The following SLC15A3 variants were observed in gnomAD, a reference collection of about 807,000 sequenced individuals.
SLC15A3 encodes the protein osteoclast transporter.
Under a neutral mutation model 49.2 loss-of-function variants are expected in SLC15A3, and 39 were observed. That is an observed-to-expected ratio of 0.79 (90% confidence interval 0.61 to 1.04). SLC15A3 has a LOEUF of 1.04. SLC15A3 is among the 50% of genes least tolerant of loss of function. The probability of loss-of-function intolerance (pLI) is 0.00; values close to 1 mark genes in which losing one functional copy is unlikely to be tolerated. For synonymous variants in SLC15A3, 339 were observed against 367.0 expected, an observed-to-expected ratio of 0.92 and a Z score of 0.87; for missense variants, 758 against 794.8, an observed-to-expected ratio of 0.95 and a Z score of 0.56.
At chr11:60,943,010 C>T (rs1380603160) in intron 3 of SLC15A3, 1 of 151,614 alleles carries the variant, frequency 6.6e-6, no homozygotes, top group East Asian at 1.9e-4. Flanking sequence ...AACCTCCCCA[C>T]TGAGGAGTAA....
In SLC15A3 at chr11:60,937,716, G is replaced by A. The variant is rs573641803; in HGVS notation, c.1591+154C>T. The stretch of plus-strand genomic sequence containing the variant: ...AAGGCCCAAGGAGGGAGGCCACGCT[G>A]TGGGTGACTGGCCAAGCCCGGGCTA... On this transcript the variant is annotated intron_variant, in intron 7 of 7. Transcript: ENST00000227880. The A allele has an allele frequency of 4.0e-6, 4 of 995,336 alleles. No individual in the cohort carries two copies. The African/African-American group carries it at 6.5e-5, about 16-fold the overall frequency. The allele number at this position is 995,336 out of a possible 1,614,324, so 61.7% of individuals were successfully genotyped here. A position where few individuals can be genotyped will look rare whatever the true frequency, so the allele number is the denominator to read the frequency against.
At chr11:60,949,560 G>GA (rs202066544) in intron 1 of SLC15A3, among the ~76,000 whole-genome samples, 10,148 of 85,160 alleles carry the variant, frequency 0.12, 852 homozygotes, top group South Asian at 0.2. Context: ...AAGAAAGAAA[G>GA]AAAGAAAGAA....
At chr11:60,939,423 G>A in intron 6 of SLC15A3, 57 bp downstream of exon 6, 4 of 1,592,068 alleles carry the variant, frequency 2.5e-6, no homozygotes, top group Non-Finnish European at 3.4e-6. Context: ...TGACTTTGAG[G>A]TGCCACCGGG....
At position 60,937,242 on chromosome 11, in the gene SLC15A3, G is replaced by A. The variant is rs150575712; in HGVS notation, c.1723C>T (p.Arg575Cys). Residue 575 changes from arginine (R) to cysteine (C), a missense_variant, in exon 8 of 8, where the codon CGT becomes TGT. Around this residue, in one of 3 missense-constraint regions of SLC15A3, gnomAD observed 699 missense variants for 706.7 expected, o/e 0.99. Coordinates refer to ENST00000227880, the MANE Select transcript of SLC15A3 (RefSeq NM_016582.3). ...GTTCAGCCCCTGTCCCTGCTGAAACGGCTGTGGGAGGCTGGGCCCTGGGAC... is the reference window on the plus strand; with the variant it reads ...GTTCAGCCCCTGTCCCTGCTGAAACAGCTGTGGGAGGCTGGGCCCTGGGAC... The part of the protein sequence containing the change: ...RASQGPASHS[R>C]FSRDRG 115 of 1,613,970 alleles carry A rather than the reference G, an allele frequency of 7.1e-5. No homozygotes were observed. The African/African-American group carries it at 1.4e-3, about 19-fold the overall frequency.
At position 60,937,314 on chromosome 11, in the gene SLC15A3, C is replaced by T. The variant is rs776812159; in HGVS notation, c.1651G>A (p.Val551Ile). The T allele has an allele frequency of 8.1e-6, 13 of 1,614,038 alleles. No individual in the cohort carries two copies. Among genetic ancestry groups the T allele is most frequent in the Admixed American group, 3.3e-5 (2 of 60,008 alleles). Residue 551 changes from valine to isoleucine, a missense_variant, in exon 8 of 8, where the codon GTC becomes ATC. Val to Ile is a conservative substitution (Grantham distance 29). Transcript: ENST00000227880. ...ATCCAGACAAATAGGAGAGCCGTGA[C>T]GGCCTGAATGCCAGCCAGCAGGAAG... ...YFFLLAGIQA[V>I]TALLFVWIAG...
intron 7 of SLC15A3, 157 bp downstream of exon 7, chr11:60,937,713 G>A (rs1460122989): frequency 5.0e-5 from 48 of 957,580 alleles, no homozygotes; most frequent in South Asian, 1.7e-4. Flanking sequence ...GGGAGGCCAC[G>A]CTGTGGGTGA....
chr11:60,941,371 T>C (rs1310204007), intron 4 of SLC15A3, 81 bp from the exon 5 acceptor site: 2 of 1,427,254 alleles, frequency 1.4e-6, no homozygotes, highest in South Asian at 1.4e-5. Context: ...GACTCTAGAC[T>C]GGCCCTGGGT....
rs1856921250 is a variant in SLC15A3, at chr11:60,951,462, C to T, written c.90G>A (p.Trp30Ter). 7.0e-7 allele frequency: 1 copy of T among 1,423,142 alleles called. No homozygotes were observed. Among genetic ancestry groups the T allele is most frequent in the African/African-American group, 1.5e-5 (1 of 66,806 alleles). The allele number at this position is 1,423,142 out of a possible 1,614,324, so 88.2% of individuals were successfully genotyped here. Residue 30 changes from tryptophan (W) to a stop codon, truncating the protein, a stop_gained, in exon 1 of 8, where the codon TGG becomes TGA. Coordinates refer to ENST00000227880, the MANE Select transcript of SLC15A3 (RefSeq NM_016582.3). LOFTEE classifies it high-confidence loss of function. ...GCACGGCCGCGCCCGCCGCCCGCCG[C>T]CACCGTCGAGGGCCCCGCGCACCGC... ...LPRGARGPRR[W>*]RRAAGAAVLL...
At chr11:60,941,366 T>C (rs1856706346) in intron 4 of SLC15A3, 76 bp from the exon 5 acceptor site, 1 of 1,470,924 alleles carries the variant, frequency 6.8e-7, no homozygotes, top group Non-Finnish European at 9.2e-7. Context: ...ACCTGGACTC[T>C]AGACTGGCCC....
intron 2 of SLC15A3, among the ~76,000 whole-genome samples, chr11:60,944,436 C>G (rs1450022051): frequency 6.6e-6 from 1 of 152,134 alleles, no homozygotes; most frequent in East Asian, 1.9e-4. Flanking sequence ...ACATCACCAT[C>G]ACTCTTTTTC....
chr11:60,947,089 C>T (rs1269166875), intron 1 of SLC15A3, among the ~76,000 whole-genome samples: 1 of 151,828 alleles, frequency 6.6e-6, no homozygotes, highest in Non-Finnish European at 1.5e-5. Context: ...TTTTTATTGT[C>T]GCAGAGGAAC....
At chr11:60,947,094 AG>A (rs1170473210) in intron 1 of SLC15A3, among the ~76,000 whole-genome samples, 1 of 150,536 alleles carries the variant, frequency 6.6e-6, no homozygotes, top group African/African-American at 2.5e-5. Context: ...ATTGTCGCAG[AG>A]GAACACATAC....
intron 1 of SLC15A3, among the ~76,000 whole-genome samples, chr11:60,947,268 C>T (rs374550096): frequency 6.6e-6 from 1 of 152,014 alleles, no homozygotes; most frequent in African/African-American, 2.4e-5. Flanking sequence ...CAAGCTCCAC[C>T]TTCCGGGTTC....
intron 7 of SLC15A3, 54 bp downstream of exon 7, chr11:60,937,816 C>T (rs1215101154): frequency 6.3e-7 from 1 of 1,583,728 alleles, no homozygotes; most frequent in Non-Finnish European, 8.6e-7. Context: ...TTGCCACCTC[C>T]TTTCCAAGCC....
intron 6 of SLC15A3, among the ~76,000 whole-genome samples, chr11:60,938,450 A>G (rs550528217): frequency 1.9e-4 from 29 of 151,694 alleles, no homozygotes; most frequent in Non-Finnish European, 3.8e-4. Context: ...CCTGGGTCCA[A>G]CCCCAGCCCT....
chr11:60,946,849 G>T (rs1351344001), intron 1 of SLC15A3, 28 bp from the exon 2 acceptor site: 2 of 1,589,624 alleles, frequency 1.3e-6, no homozygotes, highest in African/African-American at 2.7e-5. Flanking sequence ...GTGACAGTGA[G>T]GGCCAAAGGG....
chr11:60,941,029 T>C (rs1856699993), intron 5 of SLC15A3, 93 bp downstream of exon 5: 1 of 1,405,248 alleles, frequency 7.1e-7, no homozygotes, highest in Non-Finnish European at 9.5e-7. Flanking sequence ...AGGCTGAACT[T>C]GGTCCAGGCT....
At chr11:60,949,842 C>A (rs1243548729) in intron 1 of SLC15A3, among the ~76,000 whole-genome samples, 1 of 152,220 alleles carries the variant, frequency 6.6e-6, no homozygotes, top group Non-Finnish European at 1.5e-5. Context: ...AGTTTCCTTT[C>A]GTTGACACCT....
Position 60,938,038 on chromosome 11 carries a change from A to G in SLC15A3, c.1436-13T>C. ...GCAAACTCCAGGCCTGCAGAGGGGG[A>G]GCAGAGACGATCTCAGGGGCTGGTG... On this transcript the variant is annotated splice_polypyrimidine_tract_variant and intron_variant, in intron 6 of 7. Transcript: ENST00000227880. 1 of 1,612,384 alleles carries G rather than the reference A, an allele frequency of 6.2e-7. No homozygotes were observed. The highest frequency in any genetic ancestry group is 8.5e-7 in the Non-Finnish European group (1 of 1,179,370).
Sources: gnomAD v4.1 joint callset for allele counts (sites outside exome capture counted in the v4.1 genomes callset) on GRCh38, gnomAD v4.1.1 for gene constraint, gnomAD v4.1.1 regional missense constraint, MANE v1.5 for transcripts, NCBI Gene and HGNC (gene_info 2026-07-23, HGNC 2026-07-21) for gene names.